Variants in CRAMP1 observed in about 807,000 individuals in gnomAD.
CRAMP1 encodes the protein protein cramped-like.
CRAMP1 carries 50 observed loss-of-function variants against 115.4 expected under a neutral mutation model. The observed-to-expected ratio is 0.43, with a 90% confidence interval of 0.35 to 0.55. The LOEUF is 0.55. Among genes scored for constraint, CRAMP1 ranks in the 20% least tolerant of loss-of-function variants. The pLI, the probability that CRAMP1 is intolerant of heterozygous loss-of-function variation, is 0.01. For missense variants in CRAMP1, 1,679 were observed against 1,721.7 expected (o/e 0.98, Z 0.44); for synonymous variants, 866 against 745.4 (o/e 1.16, Z -2.64).
intron 10 of CRAMP1, among the ~76,000 whole-genome samples, chr16:1,658,826 GAGC>G (rs2036798701): frequency 6.6e-6 from 1 of 152,236 alleles, no homozygotes; most frequent in African/African-American, 2.4e-5. Context: ...GCTGTGCTGA[GAGC>G]ACGGGGTGGA....
intron 6 of CRAMP1, among the ~76,000 whole-genome samples, chr16:1,647,617 C>G (rs1194035818): frequency 6.6e-6 from 1 of 151,968 alleles, no homozygotes; most frequent in African/African-American, 2.4e-5. Flanking sequence ...TGGTGTATGC[C>G]TGTAGTCCCA....
chr16:1,670,743 C>A lies in CRAMP1; in HGVS notation c.3579C>A (p.Gly1193=), dbSNP rs1425280654. Residue 1193 remains glycine, a synonymous_variant, in exon 20 of 21, where the codon GGC becomes GGA. Coordinates refer to ENST00000397412, the MANE Select transcript of CRAMP1 (RefSeq NM_020825.4). ...IGTNSGTSLL[G]PSLLDGNSRD... is the part of the protein sequence containing the mutation. ...CCAACAGTGGCACTTCCTTGCTTGG[C>A]CCCAGCTTGTTGGATGGAAACTCGC... 2 of 1,613,968 alleles carry A rather than the reference C, an allele frequency of 1.2e-6. No homozygotes were observed. Among genetic ancestry groups the A allele is most frequent in the Admixed American group, 3.3e-5 (2 of 60,028 alleles).
chr16:1,630,701 A>G (rs1403817348), intron 3 of CRAMP1, among the ~76,000 whole-genome samples: 1 of 152,150 alleles, frequency 6.6e-6, no homozygotes, highest in Non-Finnish European at 1.5e-5. Context: ...AACCTGGGAC[A>G]GCTCCTGGGT....
chr16:1,652,463 G>A (rs2036732553), intron 6 of CRAMP1, 33 bp from the exon 7 acceptor site: 1 of 1,533,974 alleles, frequency 6.5e-7, no homozygotes, highest in East Asian at 2.5e-5. Context: ...TTCACTCACA[G>A]GCCTCAGCGT....
intron 10 of CRAMP1, among the ~76,000 whole-genome samples, chr16:1,657,760 A>T (rs2036788731): frequency 6.6e-6 from 1 of 152,168 alleles, no homozygotes; most frequent in Non-Finnish European, 1.5e-5. Flanking sequence ...ATCCTACCCC[A>T]CAGCCCCAAG....
At chr16:1,618,536 T>TC (rs2142167870) in intron 2 of CRAMP1, among the ~76,000 whole-genome samples, 1 of 151,916 alleles carries the variant, frequency 6.6e-6, no homozygotes, top group African/African-American at 2.4e-5. Context: ...CTTATTTTGG[T>TC]CCCCCTCTCA....
chr16:1,659,778 C>A, intron 10 of CRAMP1, 108 bp from the exon 11 acceptor site: 2 of 1,088,702 alleles, frequency 1.8e-6, no homozygotes, highest in South Asian at 1.3e-5. Context: ...CGTCATGACA[C>A]TGTGCTTTCT....
intron 6 of CRAMP1, among the ~76,000 whole-genome samples, chr16:1,644,404 G>T (rs1381898687): frequency 1.3e-5 from 2 of 152,216 alleles, no homozygotes; most frequent in African/African-American, 4.8e-5. Context: ...CACAGGAATG[G>T]GTGCTCGTTA....
intron 4 of CRAMP1, among the ~76,000 whole-genome samples, chr16:1,633,547 A>G (rs1415021963): frequency 6.6e-6 from 1 of 152,216 alleles, no homozygotes; most frequent in African/African-American, 2.4e-5. Context: ...ATAGCACATC[A>G]GTTCCGTTTT....
At chr16:1,667,211 G>A in intron 16 of CRAMP1, 124 bp from the exon 17 acceptor site, 2 of 713,870 alleles carry the variant, frequency 2.8e-6, no homozygotes, top group Non-Finnish European at 2.5e-6. Flanking sequence ...TCCATTTACT[G>A]TCCCTCTGCT....
chr16:1,673,477 C>G (rs116862318), intron 20 of CRAMP1, among the ~76,000 whole-genome samples: 1 of 152,354 alleles, frequency 6.6e-6, no homozygotes, highest in East Asian at 1.9e-4. Context: ...GGTCCCAGTC[C>G]TTGGAGCACC....
chr16:1,640,388 C>T (rs1392027545), intron 5 of CRAMP1, among the ~76,000 whole-genome samples: 2 of 152,172 alleles, frequency 1.3e-5, no homozygotes, highest in Non-Finnish European at 2.9e-5. Flanking sequence ...CCTCATTCCT[C>T]CGTGCGAGGT....
Position 1,633,343 on chromosome 16 carries a change from G to A in CRAMP1, c.694+978G>A, listed in dbSNP as rs540610033. 4.6e-5 allele frequency among the ~76,000 whole-genome samples: 7 copies of A among 152,330 alleles called. No homozygotes were observed. The South Asian group carries it at 1.5e-3, about 32-fold the overall frequency. ...GCCGCAGACACCCCCTGCCCACCAC[G>A]CAGCTAGCTTCTCCACTGAAGAACC... On this transcript the variant is annotated intron_variant, in intron 4 of 20. Transcript: ENST00000397412.
rs78811749 is a variant in CRAMP1, at chr16:1,664,951, C to G, written c.2671-106C>G. ...TCATCGGCTCTGGAAAAAGCCCCAC[C>G]TGGCTATGCTGGGCACCCTCTTACT... On this transcript the variant is annotated intron_variant, in intron 13 of 20. Transcript: ENST00000397412. The G allele has an allele frequency of 5.6e-3, 4,358 of 776,714 alleles. 148 individuals carry two copies. In the African/African-American group the frequency reaches 0.064, roughly 11 times the overall value. The allele number at this position is 776,714 out of a possible 1,614,324, so 48.1% of individuals were successfully genotyped here. A position where few individuals can be genotyped will look rare whatever the true frequency, so the allele number is the denominator to read the frequency against.
chr16:1,621,610 G>A (rs1034660782), intron 2 of CRAMP1, among the ~76,000 whole-genome samples: 1 of 152,196 alleles, frequency 6.6e-6, no homozygotes, highest in Non-Finnish European at 1.5e-5. Flanking sequence ...AGGGAGCTTG[G>A]GGAGGCCCTT....
At chr16:1,639,485 G>T (rs555576283) in intron 5 of CRAMP1, among the ~76,000 whole-genome samples, 7 of 151,670 alleles carry the variant, frequency 4.6e-5, no homozygotes, top group East Asian at 2.0e-4. Flanking sequence ...CTGAAGTGAG[G>T]TTACAAAGGT....
intron 2 of CRAMP1, chr16:1,620,829 C>T (rs552815056): frequency 2.7e-5 from 10 of 375,504 alleles, no homozygotes; most frequent in East Asian, 7.6e-5. Context: ...TCTGACGGCA[C>T]GGCATGGGAA....
chr16:1,652,834 T>A (rs1392723417), intron 7 of CRAMP1, among the ~76,000 whole-genome samples, 199 bp from the exon 8 acceptor site: 2 of 152,220 alleles, frequency 1.3e-5, no homozygotes, highest in African/African-American at 4.8e-5. Context: ...ATGGCCTCTC[T>A]GGACCAGTCT....
chr16:1,615,064 C>T (rs973277473), intron 2 of CRAMP1, 79 bp downstream of exon 2: 1 of 877,396 alleles, frequency 1.1e-6, no homozygotes, highest in Non-Finnish European at 1.5e-6. Flanking sequence ...CTCGCCCCAG[C>T]CGGGCTCCAC....
Sources: allele counts gnomAD v4.1 joint callset (sites outside exome capture counted in the v4.1 genomes callset), GRCh38; gene constraint gnomAD v4.1.1; transcripts MANE v1.5; gene names NCBI Gene and HGNC (gene_info 2026-07-23, HGNC 2026-07-21).